The following DNMT3A variants were observed in gnomAD, a reference collection of about 807,000 sequenced individuals.
DNMT3A encodes DNA (cytosine-5)-methyltransferase 3A.
A neutral mutation model predicts 117.6 loss-of-function variants in DNMT3A; 267 were observed. The ratio of observed to expected loss-of-function variants is 2.27; its 90% confidence interval spans 2.05 to 2.51. DNMT3A has a LOEUF of 2.51. DNMT3A is among the 30% of genes most tolerant of loss of function. The pLI, the probability that DNMT3A is intolerant of heterozygous loss-of-function variation, is 0.00. For missense variants in DNMT3A, 1,029 were observed against 1,260.2 expected (o/e 0.82, Z 2.78); for synonymous variants, 432 against 474.8 (o/e 0.91, Z 1.17).
chr2:25,335,662 TAGGAGTC>T (rs1282587804), intron 1 of DNMT3A, among the ~76,000 whole-genome samples: 2 of 152,168 alleles, frequency 1.3e-5, no homozygotes, highest in Non-Finnish European at 1.5e-5. Context: ...AGCATTAGAC[TAGGAGTC>T]AGGAGACCCA....
intron 1 of DNMT3A, among the ~76,000 whole-genome samples, chr2:25,334,083 G>A (rs368502592): frequency 6.6e-6 from 1 of 152,164 alleles, no homozygotes; most frequent in Non-Finnish European, 1.5e-5. Context: ...CCAGGGGCAG[G>A]GTCAAAAAAG....
In DNMT3A at chr2:25,239,154, C is replaced by G. The variant is rs756566100; in HGVS notation, c.2384G>C (p.Trp795Ser). The G allele has an allele frequency of 6.2e-7, 1 of 1,614,072 alleles. No individual in the cohort carries two copies. Among genetic ancestry groups the G allele is most frequent in the Non-Finnish European group, 8.5e-7 (1 of 1,179,956 alleles). The change falls in exon 20 of 23, where the codon TGG becomes TCG. Residue 795 changes from tryptophan (W) to serine (S), a missense_variant. Transcript: ENST00000321117. ...CCTGTTCATACCGGGAAGGTTACCC[C>G]AGAAGTAGCGGGCCCTGTGTGCAGC... ...VSAAHRARYF[W>S]GNLPGMNRPL...
intron 6 of DNMT3A, among the ~76,000 whole-genome samples, chr2:25,249,135 A>C (rs750588598): frequency 6.6e-6 from 1 of 152,206 alleles, no homozygotes; most frequent in Admixed American, 6.5e-5. Flanking sequence ...TCAGCCAGGC[A>C]TGTGCCTGTA....
In DNMT3A at chr2:25,257,044, G is replaced by A. The variant is rs1229918646; in HGVS notation, c.640-8792C>T. Among the ~76,000 whole-genome samples the A allele has an allele frequency of 2.0e-5, 3 of 152,222 alleles. No homozygotes were observed. The highest frequency in any genetic ancestry group is 7.2e-5 in the African/African-American group (3 of 41,446). ...TAGCAGGAATTCTAATCGTTGCTAC[G>A]AGGTCCCAGTCTACCAAAAGAGGCT... On this transcript the variant is annotated intron_variant, in intron 6 of 22. Transcript: ENST00000321117. The surrounding 1 kb of genome is among the most constrained non-coding windows in gnomAD (Gnocchi z 4.8).
chr2:25,270,185 G>C (rs921928489), intron 6 of DNMT3A, among the ~76,000 whole-genome samples: 1 of 152,176 alleles, frequency 6.6e-6, no homozygotes, highest in Non-Finnish European at 1.5e-5. Flanking sequence ...CTTGTGCCTC[G>C]AGAGGTATGT....
Position 25,234,201 on chromosome 2 carries a change from T to C in DNMT3A, c.*78A>G. 3 of 1,537,870 alleles carry C rather than the reference T, an allele frequency of 2.0e-6. No individual in the cohort carries two copies. Among genetic ancestry groups the C allele is most frequent in the Non-Finnish European group, 1.8e-6 (2 of 1,136,848 alleles). On this transcript the variant is annotated 3_prime_UTR_variant, in exon 23 of 23. Coordinates refer to ENST00000321117, the MANE Select transcript of DNMT3A (RefSeq NM_022552.5). This position sits in a 1 kb window ranked among gnomAD's most constrained non-coding sequence, Gnocchi z 4.5. ...GATACTTCTCTCCATCCTCATGTTCTTGGTGTTTTATTATGTTTTGTGTTT... is the reference window on the plus strand; with the variant it reads ...GATACTTCTCTCCATCCTCATGTTCCTGGTGTTTTATTATGTTTTGTGTTT...
chr2:25,238,929 AGTT>A (rs1673658600), intron 20 of DNMT3A, among the ~76,000 whole-genome samples, 198 bp downstream of exon 20: 1 of 152,172 alleles, frequency 6.6e-6, no homozygotes, highest in Non-Finnish European at 1.5e-5. Flanking sequence ...TAAGACCACT[AGTT>A]GTTGGTTTCA....
chr2:25,285,696 C>A (rs1396739536), intron 3 of DNMT3A, among the ~76,000 whole-genome samples: 1 of 152,216 alleles, frequency 6.6e-6, no homozygotes, highest in Non-Finnish European at 1.5e-5. Context: ...AACGGCAGAC[C>A]CCTGCCTCCA....
rs201436991 is a variant in DNMT3A at position 25,246,582 on chromosome 2, C to T, written c.1279+38G>A. ...CCAGCCCTGGTGTGGATCTGCCTGG[C>T]GGGCAGGGGTCCCAGAAAGCTGGGT... On this transcript the variant is annotated intron_variant, in intron 10 of 22. Transcript: ENST00000321117. The T allele has an allele frequency of 4.4e-4, 696 of 1,589,276 alleles. 3 individuals are homozygous for T. In the South Asian group the frequency reaches 6.6e-3, roughly 15 times the overall value.
At chr2:25,240,607 C>T (rs1452997202) in intron 18 of DNMT3A, 33 bp downstream of exon 18, 1 of 1,611,688 alleles carries the variant, frequency 6.2e-7, no homozygotes, top group South Asian at 1.1e-5. Flanking sequence ...GAAGCACCAG[C>T]TGAGAAGGTG....
At chr2:25,332,454 C>A (rs1242977342) in intron 1 of DNMT3A, among the ~76,000 whole-genome samples, 1 of 152,262 alleles carries the variant, frequency 6.6e-6, no homozygotes, top group African/African-American at 2.4e-5. Context: ...TGCCAGACCC[C>A]ACCTAAGCTG....
rs1378753199 is a variant in DNMT3A, at chr2:25,326,110, G to A, written c.-177-11949C>T. Among the ~76,000 whole-genome samples, 299 of 40,904 alleles carry A rather than the reference G, an allele frequency of 7.3e-3. 2 individuals carry two copies. Among genetic ancestry groups the A allele is most frequent in the African/African-American group, 0.031 (280 of 8,922 alleles). 26.8% of individuals were successfully genotyped at this position (40,904 alleles called of 152,430 possible). On this transcript the variant is annotated intron_variant, in intron 1 of 22. Coordinates refer to ENST00000321117, the MANE Select transcript of DNMT3A (RefSeq NM_022552.5). ...CATTTTCTATTAACTTGATATATAT[G>A]TGTGTGTGTGTGTGTGTGTGTGTGT...
At chr2:25,302,902 G>A (rs1048857768) in intron 2 of DNMT3A, among the ~76,000 whole-genome samples, 6 of 152,214 alleles carry the variant, frequency 3.9e-5, no homozygotes, top group Non-Finnish European at 7.3e-5. Flanking sequence ...AAGTGGGCAT[G>A]AGCCCAGCTT....
intron 6 of DNMT3A, among the ~76,000 whole-genome samples, chr2:25,265,957 G>A (rs1301333450): frequency 6.6e-6 from 1 of 152,164 alleles, no homozygotes; most frequent in Non-Finnish European, 1.5e-5. Flanking sequence ...GCTTTGCTGT[G>A]GCCAGGAGTT....
Position 25,282,719 on chromosome 2 carries a change from T to C in DNMT3A, c.178-8A>G. The C allele has an allele frequency of 6.6e-7, 1 of 1,519,054 alleles. No individual in the cohort carries two copies. Among genetic ancestry groups the C allele is most frequent in the Non-Finnish European group, 8.8e-7 (1 of 1,132,746 alleles). The allele number at this position is 1,519,054 out of a possible 1,614,324, so 94.1% of individuals were successfully genotyped here. A position where few individuals can be genotyped will look rare whatever the true frequency, so the allele number is the denominator to read the frequency against. Reference sequence around the variant, plus strand: ...CGTGTCACCGCTTTCCACCTGCAAATGTAAGAAAGATACACAAGAGGAGGG... The same window carrying C: ...CGTGTCACCGCTTTCCACCTGCAAACGTAAGAAAGATACACAAGAGGAGGG... On this transcript the variant is annotated splice_region_variant and splice_polypyrimidine_tract_variant and intron_variant, in intron 3 of 22. Transcript: ENST00000321117. The surrounding 1 kb of genome is among the most constrained non-coding windows in gnomAD (Gnocchi z 5.2).
intron 6 of DNMT3A, among the ~76,000 whole-genome samples, chr2:25,267,737 T>C (rs1415110670): frequency 6.6e-6 from 1 of 152,256 alleles, no homozygotes. Context: ...CACACAACTC[T>C]GAGATAAGAA....
chr2:25,251,865 A>G (rs796194384), intron 6 of DNMT3A: 34 of 413,828 alleles, frequency 8.2e-5, no homozygotes, highest in African/African-American at 6.2e-4. Context: ...GCTGCCTCCA[A>G]CCCAACTCCT....
intron 2 of DNMT3A, among the ~76,000 whole-genome samples, chr2:25,301,638 C>T (rs2033522096): frequency 6.6e-6 from 1 of 152,236 alleles, no homozygotes; most frequent in Non-Finnish European, 1.5e-5. Context: ...CCACAAGTCC[C>T]TTCTGACTCA....
At chr2:25,264,992 A>G (rs1387249204) in intron 6 of DNMT3A, among the ~76,000 whole-genome samples, 1 of 152,224 alleles carries the variant, frequency 6.6e-6, no homozygotes, top group African/African-American at 2.4e-5. Flanking sequence ...CCAGGAAACT[A>G]AAATGCCGAA....
Sources: allele counts gnomAD v4.1 joint callset (sites outside exome capture counted in the v4.1 genomes callset), GRCh38; gene constraint gnomAD v4.1.1; non-coding constraint Gnocchi (gnomAD v3.1); transcripts MANE v1.5; gene names NCBI Gene and HGNC (gene_info 2026-07-23, HGNC 2026-07-21).